ZBTB11: variants seen among roughly 807,000 people sequenced by gnomAD.
The protein encoded by ZBTB11 is zinc finger and BTB domain-containing protein 11.
In ZBTB11, 68 loss-of-function variants were observed where a neutral mutation model predicts 113.1. The ratio of observed to expected loss-of-function variants is 0.60; its 90% CI spans 0.49 to 0.74. The LOEUF is 0.74. ZBTB11 is among the 30% of genes least tolerant of loss of function. The pLI is 0.00. For synonymous variants in ZBTB11, 518 were observed against 452.6 expected, an observed-to-expected ratio of 1.14 and a Z score of -1.83; for missense variants, 1,104 against 1,279.4, an observed-to-expected ratio of 0.86 and a Z score of 2.09.
Position 101,649,749 on chromosome 3 carries a change from C to T in ZBTB11, c.*1417G>A. 6.5e-6 allele frequency: 1 copy of T among 152,726 alleles called. No homozygotes were observed. The highest frequency in any genetic ancestry group is 1.5e-5 in the Non-Finnish European group (1 of 68,018). 9.5% of individuals were successfully genotyped at this position (152,726 alleles called of 1,614,324 possible). A position where few individuals can be genotyped will look rare whatever the true frequency, so the allele number is the denominator to read the frequency against. On this transcript the variant is annotated 3_prime_UTR_variant, in exon 11 of 11. Coordinates refer to ENST00000312938, the MANE Select transcript of ZBTB11 (RefSeq NM_014415.4). ...TGCATGCACAGCTATCACATTTATT[C>T]TTTATCCTTAAAGCCATTTTTAAAG...
chr3:101,668,939 A>T (rs886797942), intron 3 of ZBTB11, among the ~76,000 whole-genome samples: 3 of 152,206 alleles, frequency 2.0e-5, no homozygotes, highest in Non-Finnish European at 4.4e-5. Context: ...CTCAAATGAA[A>T]TGGACAATTA....
rs1936861097 is a variant in ZBTB11 at position 101,659,988 on chromosome 3, G to A, written c.1841C>T (p.Ala614Val). 2 of 1,614,020 alleles carry A rather than the reference G, an allele frequency of 1.2e-6. No homozygotes were observed. Among genetic ancestry groups the A allele is most frequent in the Non-Finnish European group, 1.7e-6 (2 of 1,180,002 alleles). Residue 614 changes from alanine to valine, a missense_variant, in exon 6 of 11, where the codon GCA (alanine) becomes GTA (valine). Ala to Val is a moderately conservative substitution (Grantham distance 64). Coordinates refer to ENST00000312938, the MANE Select transcript of ZBTB11 (RefSeq NM_014415.4). ...TTTTCTGGTATGACGAATAAGATGT[G>A]CTCGCAAAGAGGCACTGTACTGAAA... ...KQFQYSASLR[A>V]HLIRHTRKDA...
intron 5 of ZBTB11, 91 bp downstream of exon 5, chr3:101,664,445 CAT>C (rs1936944502): frequency 1.6e-6 from 2 of 1,266,712 alleles, no homozygotes; most frequent in Non-Finnish European, 2.2e-6. Flanking sequence ...CCATATAAGA[CAT>C]AGAATACAAG....
chr3:101,653,045 CAACTT>C, intron 8 of ZBTB11, 107 bp from the exon 9 acceptor site: 1 of 1,218,494 alleles, frequency 8.2e-7, no homozygotes, highest in South Asian at 1.6e-5. Flanking sequence ...AAGATGATCT[CAACTT>C]AAAAGAATTC....
At chr3:101,657,151 A>AC (rs1576645176) in intron 6 of ZBTB11, among the ~76,000 whole-genome samples, 2 of 150,954 alleles carry the variant, frequency 1.3e-5, no homozygotes, top group South Asian at 2.1e-4. Flanking sequence ...AAAAAAAAAA[A>AC]AAAAACAAAA....
chr3:101,663,717 C>T (rs1936931532), intron 5 of ZBTB11, among the ~76,000 whole-genome samples: 1 of 151,938 alleles, frequency 6.6e-6, no homozygotes, highest in African/African-American at 2.4e-5. Flanking sequence ...ATGGTGAAAC[C>T]CTGCATATAA....
chr3:101,676,577 C>A (rs373723829), intron 1 of ZBTB11, 28 bp downstream of exon 1: 116 of 1,461,454 alleles, frequency 7.9e-5, no homozygotes, highest in Non-Finnish European at 9.8e-5. Context: ...GTCGCCAGCC[C>A]GCCCCCTCGC....
chr3:101,664,974 G>A lies in ZBTB11; in HGVS notation c.1613C>T (p.Ala538Val), dbSNP rs1936956421. 6.2e-7 allele frequency: 1 copy of A among 1,610,180 alleles called. No homozygotes were observed. Among genetic ancestry groups the A allele is most frequent in the Non-Finnish European group, 8.5e-7 (1 of 1,177,508 alleles). ...CTTCTTACATCATACCTGTTGAACT[G>A]CTGACTTGGGAACGGCTTTCCGTTT... is the stretch of plus-strand genomic sequence containing the variant. ...LQKRKAVPKS[A>V]VQQVAQKLVQ... is the part of the protein sequence containing the mutation. The change falls in exon 4 of 11, where the codon GCA becomes GTA. Residue 538 changes from alanine (A) to valine (V), a missense_variant. Ala to Val is a moderately conservative substitution (Grantham distance 64). Coordinates refer to ENST00000312938, the MANE Select transcript of ZBTB11 (RefSeq NM_014415.4).
In ZBTB11 at chr3:101,676,801, G is replaced by T; in HGVS notation, c.114C>A (p.Ala38=). The part of the protein sequence containing the change: ...NVKRKIRKAA[A]CYVVRGGTLY... ...GAGTCCCGCCGCGCACCACGTAGCAGGCGGCAGCTTTTCGGATTTTACGCT... is the reference window on the plus strand; with the variant it reads ...GAGTCCCGCCGCGCACCACGTAGCATGCGGCAGCTTTTCGGATTTTACGCT... Residue 38 remains alanine (A), a synonymous_variant, in exon 1 of 11, where the codon GCC becomes GCA. Transcript: ENST00000312938. The T allele has an allele frequency of 6.2e-7, 1 of 1,612,298 alleles. No homozygotes were observed.
chr3:101,671,088 T>C (rs1937078613), intron 3 of ZBTB11, 42 bp downstream of exon 3: 3 of 1,533,336 alleles, frequency 2.0e-6, no homozygotes, highest in Non-Finnish European at 2.7e-6. Context: ...TCTTCTAGAA[T>C]GTCATTACAA....
chr3:101,654,683 C>T (rs1244139583), intron 8 of ZBTB11, 21 bp downstream of exon 8: 1 of 1,564,958 alleles, frequency 6.4e-7, no homozygotes, highest in Non-Finnish European at 8.7e-7. Context: ...TAACTGAATG[C>T]CTCACATATT....
chr3:101,671,983 C>G lies in ZBTB11; in HGVS notation c.541G>C (p.Val181Leu). The change falls in exon 2 of 11, where the codon GTG becomes CTG. Residue 181 changes from valine (V) to leucine (L), a missense_variant. Coordinates refer to ENST00000312938, the MANE Select transcript of ZBTB11 (RefSeq NM_014415.4). Reference sequence around the variant, plus strand: ...GACTGGAGAGTACCACTTACAAACACAAGTTCATGTTTGGATACTGGCTTC... The same window carrying G: ...GACTGGAGAGTACCACTTACAAACAGAAGTTCATGTTTGGATACTGGCTTC... ...KKKPVSKHEL[V>L]FVDTKGVVKR... 3 of 1,611,588 alleles carry G rather than the reference C, an allele frequency of 1.9e-6. No individual in the cohort carries two copies. Among genetic ancestry groups the G allele is most frequent in the Non-Finnish European group, 2.5e-6 (3 of 1,177,724 alleles).
intron 3 of ZBTB11, among the ~76,000 whole-genome samples, chr3:101,669,112 A>G (rs959920561): frequency 1.3e-5 from 2 of 152,128 alleles, no homozygotes; most frequent in African/African-American, 4.8e-5. Context: ...AGCTCACTGC[A>G]ACCTCCGCCT....
At chr3:101,659,223 A>G (rs574920774) in intron 6 of ZBTB11, among the ~76,000 whole-genome samples, 4 of 152,246 alleles carry the variant, frequency 2.6e-5, no homozygotes, top group Admixed American at 1.3e-4. Context: ...CCTGAGAGAT[A>G]GAACAAGACC....
intron 1 of ZBTB11, among the ~76,000 whole-genome samples, chr3:101,675,062 T>G (rs1268590032): frequency 6.6e-6 from 1 of 152,280 alleles, no homozygotes; most frequent in Non-Finnish European, 1.5e-5. Context: ...CCCTACGCTC[T>G]GTCTCCAAAA....
chr3:101,658,934 T>G (rs1936842955), intron 6 of ZBTB11, among the ~76,000 whole-genome samples: 1 of 152,208 alleles, frequency 6.6e-6, no homozygotes, highest in Admixed American at 6.5e-5. Context: ...CCAAAACTGT[T>G]TTTTAATAAA....
intron 3 of ZBTB11, among the ~76,000 whole-genome samples, chr3:101,667,791 G>C (rs1055801387): frequency 6.6e-6 from 1 of 152,042 alleles, no homozygotes; most frequent in African/African-American, 2.4e-5. Context: ...ACACCAGGAT[G>C]AAAAACACTA....
chr3:101,675,902 G>T (rs1937159341), intron 1 of ZBTB11, among the ~76,000 whole-genome samples: 1 of 152,070 alleles, frequency 6.6e-6, no homozygotes, highest in Admixed American at 6.6e-5. Flanking sequence ...GACCAGCTTG[G>T]GGAACGAGGC....
In ZBTB11 at chr3:101,650,137, C is replaced by G. The variant is rs1384008213; in HGVS notation, c.*1029G>C. 6.6e-6 allele frequency: 1 copy of G among 152,156 alleles called. No homozygotes were observed. The highest frequency in any genetic ancestry group is 6.5e-5 in the Admixed American group (1 of 15,282). The allele number at this position is 152,156 out of a possible 1,614,324, so 9.4% of individuals were successfully genotyped here. On this transcript the variant is annotated 3_prime_UTR_variant, in exon 11 of 11. Transcript: ENST00000312938. ...CAAGTATGATACTATGAGGGCTGCA[C>G]TGAATAATTTTCAACATTCTGAAAT... is the stretch of plus-strand genomic sequence containing the variant.
Sources: gnomAD v4.1 joint callset for allele counts (sites outside exome capture counted in the v4.1 genomes callset) on GRCh38, gnomAD v4.1.1 for gene constraint, MANE v1.5 for transcripts, NCBI Gene and HGNC (gene_info 2026-07-23, HGNC 2026-07-21) for gene names.